PTBP1: variants seen among roughly 807,000 people sequenced by gnomAD.
The protein encoded by PTBP1 is polypyrimidine tract binding protein 1.
In PTBP1, 8 loss-of-function variants were observed where a neutral mutation model predicts 59.8. The ratio of observed to expected loss-of-function variants is 0.13; its 90% CI spans 0.08 to 0.24. The LOEUF (loss-of-function observed/expected upper bound fraction) is 0.24. PTBP1 is among the 10% of genes least tolerant of loss of function. PTBP1 has a pLI of 1.00. For missense variants in PTBP1, 686 were observed against 767.0 expected, an observed-to-expected ratio of 0.89 and a Z score of 1.25; for synonymous variants, 490 against 320.7, an observed-to-expected ratio of 1.53 and a Z score of -5.64.
In PTBP1 at chr19:805,508, C is replaced by A; in HGVS notation, c.909C>A (p.Ile303=). Residue 303 remains isoleucine, a synonymous_variant, in exon 9 of 15, where the codon ATC becomes ATA. Transcript: ENST00000356948. The part of the protein sequence containing the change: ...MAAAFGAPGI[I]SASPYAGAGF... ...TATTTCTAGGTGCACCTGGTATAAT[C>A]TCAGCCTCTCCGTATGCAGGAGCTG... The A allele has an allele frequency of 6.2e-7, 1 of 1,613,638 alleles. No individual in the cohort carries two copies. Among genetic ancestry groups the A allele is most frequent in the Non-Finnish European group, 8.5e-7 (1 of 1,179,530 alleles).
At chr19:803,893 C>A in intron 3 of PTBP1, 143 bp from the exon 4 acceptor site, 1 of 997,506 alleles carries the variant, frequency 1.0e-6, no homozygotes, top group East Asian at 2.5e-5. Context: ...AGGTCTTGGC[C>A]TCTCGCGCTG....
At chr19:803,913 A>G (rs2034446237) in intron 3 of PTBP1, 123 bp from the exon 4 acceptor site, 2 of 1,191,058 alleles carry the variant, frequency 1.7e-6, no homozygotes, top group Non-Finnish European at 1.2e-6. Flanking sequence ...GCTGGTTCAC[A>G]TGCACCCTCC....
In PTBP1 at chr19:805,506, A is replaced by G; in HGVS notation, c.907A>G (p.Ile303Val). 1 of 1,613,656 alleles carries G rather than the reference A, an allele frequency of 6.2e-7. No homozygotes were observed. The highest frequency in any genetic ancestry group is 8.5e-7 in the Non-Finnish European group (1 of 1,179,568). Residue 303 changes from isoleucine (I) to valine (V), a missense_variant, in exon 9 of 15, where the codon ATC (isoleucine) becomes GTC (valine). By Grantham distance (29) the Ile-to-Val change is conservative. Coordinates refer to ENST00000356948, the MANE Select transcript of PTBP1 (RefSeq NM_002819.5). Reference protein sequence around the residue: ...MAAAFGAPGIISASPYAGAGF... With the variant: ...MAAAFGAPGIVSASPYAGAGF... ...TTTATTTCTAGGTGCACCTGGTATAATCTCAGCCTCTCCGTATGCAGGAGC... is the reference window on the plus strand; with the variant it reads ...TTTATTTCTAGGTGCACCTGGTATAGTCTCAGCCTCTCCGTATGCAGGAGC...
At position 808,822 on chromosome 19, in the gene PTBP1, T is replaced by G; in HGVS notation, c.1463+60T>G. 1 of 1,496,266 alleles carries G rather than the reference T, an allele frequency of 6.7e-7. No individual in the cohort carries two copies. Among genetic ancestry groups the G allele is most frequent in the South Asian group, 1.2e-5 (1 of 84,160 alleles). The allele number at this position is 1,496,266 out of a possible 1,614,324, so 92.7% of individuals were successfully genotyped here. On this transcript the variant is annotated intron_variant, in intron 13 of 14. Transcript: ENST00000356948. The surrounding 1 kb of genome is among the most constrained non-coding windows in gnomAD (Gnocchi z 4.7). The stretch of plus-strand genomic sequence containing the variant: ...GGCGGGCAAGGGCTCTGCTTGGCTG[T>G]CCTACCGCGTCGGTGTGTGGACTTC...
intron 9 of PTBP1, 34 bp from the exon 10 acceptor site, chr19:806,374 G>A: frequency 1.3e-6 from 2 of 1,574,040 alleles, no homozygotes; most frequent in South Asian, 2.3e-5. Flanking sequence ...GGAGTCGGGG[G>A]CGCCGCCGCT....
chr19:808,526 C>T lies in PTBP1; in HGVS notation c.1247-20C>T, dbSNP rs748939566. On this transcript the variant is annotated intron_variant, in intron 12 of 14. Transcript: ENST00000356948. The surrounding 1 kb of genome is among the most constrained non-coding windows in gnomAD (Gnocchi z 4.7). ...GCGTTCCCTCTCGGGCGCCTGGTCA[C>T]GCGGGTGCTGCTCCCCCAGCCATGA... The T allele has an allele frequency of 6.4e-6, 10 of 1,568,120 alleles. No homozygotes were observed. The highest frequency in any genetic ancestry group is 1.2e-5 in the South Asian group (1 of 85,802).
rs1303915102 is a variant in PTBP1, at chr19:805,080, G to A, written c.785G>A (p.Ser262Asn). The part of the protein sequence containing the change: ...TLRIDFSKLT[S>N]LNVKYNNDKS... Reference sequence around the variant, plus strand: ...CGCATCGACTTTTCCAAGCTCACCAGCCTCAACGTCAAGTACAACAATGAC... The same window carrying A: ...CGCATCGACTTTTCCAAGCTCACCAACCTCAACGTCAAGTACAACAATGAC... The change falls in exon 8 of 15, where the codon AGC becomes AAC. Residue 262 changes from serine to asparagine, a missense_variant. Coordinates refer to ENST00000356948, the MANE Select transcript of PTBP1 (RefSeq NM_002819.5). 1 of 1,613,908 alleles carries A rather than the reference G, an allele frequency of 6.2e-7. No individual in the cohort carries two copies. The highest frequency in any genetic ancestry group is 8.5e-7 in the Non-Finnish European group (1 of 1,179,894).
chr19:810,920 C>G lies in PTBP1; in HGVS notation c.*94C>G. On this transcript the variant is annotated 3_prime_UTR_variant, in exon 15 of 15. Transcript: ENST00000356948. ...AAACAGCTGAAGTGACCTTAGCAGA[C>G]CAGAGATTTTATTTTTTTAAAGAGA... 1.6e-6 allele frequency: 2 copies of G among 1,213,034 alleles called. No individual in the cohort carries two copies. The highest frequency in any genetic ancestry group is 2.8e-5 in the East Asian group (1 of 36,080). 75.1% of individuals were successfully genotyped at this position (1,213,034 alleles called of 1,614,324 possible).
chr19:802,031 G>A (rs974691954), intron 2 of PTBP1, among the ~76,000 whole-genome samples: 8 of 152,156 alleles, frequency 5.3e-5, no homozygotes, highest in African/African-American at 7.2e-5. Context: ...GGTGGGCGCC[G>A]GGCCTGTGGA....
In PTBP1 at chr19:805,071, A is replaced by C. The variant is rs1193261948; in HGVS notation, c.776A>C (p.Lys259Thr). Residue 259 changes from lysine (K) to threonine (T), a missense_variant, in exon 8 of 15, where the codon AAG (lysine) becomes ACG (threonine). Physicochemically the swap from Lys to Thr is moderately conservative, Grantham distance 78. Transcript: ENST00000356948. ...ACCTLRIDFS[K>T]LTSLNVKYNN... The stretch of plus-strand genomic sequence containing the variant: ...TGCACGCTGCGCATCGACTTTTCCA[A>C]GCTCACCAGCCTCAACGTCAAGTAC... 1 of 1,613,798 alleles carries C rather than the reference A, an allele frequency of 6.2e-7. No homozygotes were observed. The highest frequency in any genetic ancestry group is 1.7e-5 in the Admixed American group (1 of 60,020).
rs150304286 is a variant in PTBP1 at position 803,944 on chromosome 19, C to A, written c.116-92C>A. On this transcript the variant is annotated intron_variant, in intron 3 of 14. Coordinates refer to ENST00000356948, the MANE Select transcript of PTBP1 (RefSeq NM_002819.5). Reference sequence around the variant, plus strand: ...CCTCCTGGGGCTCAGGGTTGGTCTCCGTAGCAGGCAGGGCTCTAGGGGGAT... The same window carrying A: ...CCTCCTGGGGCTCAGGGTTGGTCTCAGTAGCAGGCAGGGCTCTAGGGGGAT... 2.5e-5 allele frequency: 37 copies of A among 1,487,840 alleles called. No homozygotes were observed. The South Asian group carries it at 4.1e-4, about 17-fold the overall frequency. 92.2% of individuals were successfully genotyped at this position (1,487,840 alleles called of 1,614,324 possible).
In PTBP1 at chr19:806,465, C is replaced by T; in HGVS notation, c.1028C>T (p.Ala343Val). The T allele has an allele frequency of 1.3e-6, 2 of 1,595,560 alleles. No individual in the cohort carries two copies. The highest frequency in any genetic ancestry group is 2.3e-5 in the East Asian group (1 of 42,930). ...GCCCCCCTGGCCATCCCCTCGGCGG[C>T]GGCGGCAGCTGCGGCGGCAGGTCGG... Reference protein sequence around the residue: ...ALAPLAIPSAAAAAAAAGRIA... With the variant: ...ALAPLAIPSAVAAAAAAGRIA... Residue 343 changes from alanine to valine, a missense_variant, in exon 10 of 15, where the codon GCG (alanine) becomes GTG (valine). Physicochemically the swap from Ala to Val is moderately conservative, Grantham distance 64. Coordinates refer to ENST00000356948, the MANE Select transcript of PTBP1 (RefSeq NM_002819.5).
At chr19:798,808 G>T (rs1282712883) in intron 1 of PTBP1, among the ~76,000 whole-genome samples, 2 of 152,272 alleles carry the variant, frequency 1.3e-5, no homozygotes, top group South Asian at 2.1e-4. Context: ...TCCCCCCGGG[G>T]TGTCCCGAGG....
chr19:805,138 T>C lies in PTBP1; in HGVS notation c.843T>C (p.Pro281=). ...KSRDYTRPDL[P]SGDSQPSLDQ... is the part of the protein sequence containing the mutation. ...GTGACTACACACGCCCAGACCTGCC[T>C]TCCGGGGACAGCCAGCCCTCGCTGG... The change falls in exon 8 of 15, where the codon CCT becomes CCC. Residue 281 remains proline, a synonymous_variant. Transcript: ENST00000356948. 1 of 1,613,742 alleles carries C rather than the reference T, an allele frequency of 6.2e-7. No individual in the cohort carries two copies. The highest frequency in any genetic ancestry group is 8.5e-7 in the Non-Finnish European group (1 of 1,179,872).
intron 1 of PTBP1, among the ~76,000 whole-genome samples, chr19:798,881 C>T (rs538009861): frequency 6.6e-6 from 1 of 152,354 alleles, no homozygotes. Context: ...TCTGGTCGGT[C>T]TGTTAATTTT....
In PTBP1 at chr19:811,866, T is replaced by C. The variant is rs1159138197; in HGVS notation, c.*1040T>C. 1.3e-5 allele frequency: 2 copies of C among 152,422 alleles called. No individual in the cohort carries two copies. The allele number at this position is 152,422 out of a possible 1,614,324, so 9.4% of individuals were successfully genotyped here. A position where few individuals can be genotyped will look rare whatever the true frequency, so the allele number is the denominator to read the frequency against. ...TCTTCCTTCAAATTTTGGACCAAAG[T>C]CTCATTTCTGTGTTTTGCCTGCCTC... is the stretch of plus-strand genomic sequence containing the variant. On this transcript the variant is annotated 3_prime_UTR_variant, in exon 15 of 15. Transcript: ENST00000356948.
rs965400410 is a variant in PTBP1 at position 811,431 on chromosome 19, T to C, written c.*605T>C. 1 of 152,520 alleles carries C rather than the reference T, an allele frequency of 6.6e-6. No homozygotes were observed. Among genetic ancestry groups the C allele is most frequent in the African/African-American group, 2.4e-5 (1 of 41,478 alleles). 9.4% of individuals were successfully genotyped at this position (152,520 alleles called of 1,614,324 possible). On this transcript the variant is annotated 3_prime_UTR_variant, in exon 15 of 15. Transcript: ENST00000356948. The stretch of plus-strand genomic sequence containing the variant: ...CTGCGGAGCTGGTCGACATAATCTC[T>C]GTATTATATACTTTGCAGTTGCAGA...
At position 808,896 on chromosome 19, in the gene PTBP1, TACTGC is replaced by T. The variant is rs2034713147; in HGVS notation, c.1463+136_1463+140del. 11 of 803,644 alleles carry T rather than the reference TACTGC, an allele frequency of 1.4e-5. 1 individual carries two copies. The highest frequency in any genetic ancestry group is 2.7e-4 in the Middle Eastern group (1 of 3,694). The allele number at this position is 803,644 out of a possible 1,614,324, so 49.8% of individuals were successfully genotyped here. ...GGCACCTCTTACCCCAAACCTGAAG[TACTGC>T]AAGGCCTGGAGCTTGAGCCGAGGGC... On this transcript the variant is annotated intron_variant, in intron 13 of 14. Coordinates refer to ENST00000356948, the MANE Select transcript of PTBP1 (RefSeq NM_002819.5). This position sits in a 1 kb window ranked among gnomAD's most constrained non-coding sequence, Gnocchi z 4.7.
chr19:812,156 CA>C lies in PTBP1; in HGVS notation c.*1331del, dbSNP rs1345720662. 6.6e-6 allele frequency: 1 copy of C among 152,472 alleles called. No individual in the cohort carries two copies. Among genetic ancestry groups the C allele is most frequent in the Non-Finnish European group, 1.5e-5 (1 of 68,056 alleles). 9.4% of individuals were successfully genotyped at this position (152,472 alleles called of 1,614,324 possible). Reference sequence around the variant, plus strand: ...GCGGAGCCACAGGGGACCCCACGCACATTCCGTTGCCTTACCCGATGGCTTG... The same window carrying C: ...GCGGAGCCACAGGGGACCCCACGCACTTCCGTTGCCTTACCCGATGGCTTG... On this transcript the variant is annotated 3_prime_UTR_variant, in exon 15 of 15. Coordinates refer to ENST00000356948, the MANE Select transcript of PTBP1 (RefSeq NM_002819.5).
Sources: gnomAD v4.1 joint callset for allele counts (sites outside exome capture counted in the v4.1 genomes callset) on GRCh38, gnomAD v4.1.1 for gene constraint, Gnocchi (gnomAD v3.1) non-coding constraint, MANE v1.5 for transcripts, NCBI Gene and HGNC (gene_info 2026-07-23, HGNC 2026-07-21) for gene names.